Variants in ARHGEF33 observed in about 807,000 individuals in gnomAD.
ARHGEF33 encodes DH and coiled-coil domain-containing protein ENSP00000381780.
Under a neutral mutation model 101.9 loss-of-function variants are expected in ARHGEF33, and 72 were observed. That is an observed-to-expected ratio of 0.71 (90% CI 0.58 to 0.86). ARHGEF33 has a LOEUF of 0.86. ARHGEF33 is among the 40% of genes least tolerant of loss of function. The pLI is 0.00. For synonymous variants in ARHGEF33, 499 were observed against 442.5 expected, an observed-to-expected ratio of 1.13 and a Z score of -1.60; for missense variants, 1,169 against 1,111.3, an observed-to-expected ratio of 1.05 and a Z score of -0.74.
At position 38,960,535 on chromosome 2, in the gene ARHGEF33, G is replaced by A; in HGVS notation, c.2230G>A (p.Ala744Thr). Reference protein sequence around the residue: ...GRAPIKAERAAQAHGPAAAAV... With the variant: ...GRAPIKAERATQAHGPAAAAV... ...CGCGCCCATCAAGGCCGAGCGCGCCGCGCAGGCGCACGGCCCGGCCGCCGC... is the reference window on the plus strand; with the variant it reads ...CGCGCCCATCAAGGCCGAGCGCGCCACGCAGGCGCACGGCCCGGCCGCCGC... Residue 744 changes from alanine (A) to threonine (T), a missense_variant, in exon 16 of 18, where the codon GCG (alanine) becomes ACG (threonine). Coordinates refer to ENST00000409978, the MANE Select transcript of ARHGEF33 (RefSeq NM_001145451.5). The A allele has an allele frequency of 8.0e-6, 10 of 1,257,656 alleles. No individual in the cohort carries two copies. The highest frequency in any genetic ancestry group is 1.0e-5 in the Non-Finnish European group (10 of 998,844). The allele number at this position is 1,257,656 out of a possible 1,614,324, so 77.9% of individuals were successfully genotyped here. A position where few individuals can be genotyped will look rare whatever the true frequency, so the allele number is the denominator to read the frequency against.
intron 2 of ARHGEF33, among the ~76,000 whole-genome samples, chr2:38,915,224 AG>A (rs1170783689): frequency 1.6e-4 from 24 of 152,280 alleles, no homozygotes; most frequent in Non-Finnish European, 8.8e-5. Context: ...ACAAAATTTT[AG>A]GTAGGCTTCA....
At chr2:38,893,931 A>G (rs941060898) in intron 1 of ARHGEF33, among the ~76,000 whole-genome samples, 5 of 152,216 alleles carry the variant, frequency 3.3e-5, no homozygotes, top group African/African-American at 9.6e-5. Flanking sequence ...GCTGGAGTGA[A>G]GACTTCTAAA....
At chr2:38,950,895 T>C in intron 10 of ARHGEF33, 94 bp from the exon 11 acceptor site, 2 of 1,219,932 alleles carry the variant, frequency 1.6e-6, no homozygotes, top group Non-Finnish European at 2.3e-6. Context: ...GTATGTTGGA[T>C]GGCTGGGAGA....
chr2:38,896,631 C>A (rs1478419061), intron 2 of ARHGEF33, among the ~76,000 whole-genome samples: 4 of 152,190 alleles, frequency 2.6e-5, no homozygotes, highest in Non-Finnish European at 4.4e-5. Flanking sequence ...GGAAGATTAA[C>A]TTTCCCAGGT....
intron 2 of ARHGEF33, 63 bp from the exon 3 acceptor site, chr2:38,919,300 A>G: frequency 5.4e-6 from 4 of 741,016 alleles, no homozygotes; most frequent in Middle Eastern, 2.4e-4. Context: ...CTAATGTAAG[A>G]AGTAAATACA....
chr2:38,947,553 T>C (rs7568218), intron 10 of ARHGEF33, among the ~76,000 whole-genome samples: 6,460 of 152,270 alleles, frequency 0.042, 283 homozygotes, highest in African/African-American at 0.11. Flanking sequence ...TGTGCTCTTA[T>C]ACATCATACC....
chr2:38,935,933 T>G (rs1667117284), intron 8 of ARHGEF33, 99 bp downstream of exon 8: 2 of 969,748 alleles, frequency 2.1e-6, no homozygotes, highest in Admixed American at 2.2e-5. Context: ...AAACCAGGCA[T>G]GAAAGAACTC....
In ARHGEF33 at chr2:38,931,057, C is replaced by G. The variant is rs528172578; in HGVS notation, c.363-52C>G. 5.7e-6 allele frequency: 8 copies of G among 1,401,962 alleles called. No individual in the cohort carries two copies. The Admixed American group carries it at 1.7e-4, about 30-fold the overall frequency. 86.8% of individuals were successfully genotyped at this position (1,401,962 alleles called of 1,614,324 possible). A position where few individuals can be genotyped will look rare whatever the true frequency, so the allele number is the denominator to read the frequency against. ...TGTTCTGAACTGAATCTCCTCATAA[C>G]CTATCAGATATTAAGAACCAGAATA... On this transcript the variant is annotated intron_variant, in intron 6 of 17. Transcript: ENST00000409978.
chr2:38,894,763 A>C (rs1156454474), intron 1 of ARHGEF33, among the ~76,000 whole-genome samples: 1 of 152,172 alleles, frequency 6.6e-6, no homozygotes, highest in Admixed American at 6.5e-5. Flanking sequence ...GTAGAAATCT[A>C]GTCTCATGGT....
chr2:38,929,423 G>A (rs1016256866), intron 5 of ARHGEF33, among the ~76,000 whole-genome samples: 13 of 151,000 alleles, frequency 8.6e-5, no homozygotes, highest in African/African-American at 2.9e-4. Flanking sequence ...GCAAGACTCT[G>A]TCTTAAAAAA....
At chr2:38,929,131 G>T (rs961856089) in intron 5 of ARHGEF33, 60 bp downstream of exon 5, 50 of 1,368,544 alleles carry the variant, frequency 3.7e-5, no homozygotes, top group Non-Finnish European at 4.8e-5. Flanking sequence ...AACAGCAATA[G>T]AAAACTTGCC....
intron 2 of ARHGEF33, among the ~76,000 whole-genome samples, chr2:38,898,889 G>A (rs933749230): frequency 6.6e-6 from 1 of 152,088 alleles, no homozygotes; most frequent in Admixed American, 6.5e-5. Context: ...GAAATACAAA[G>A]AATCATTTGG....
rs79443655 is a variant in ARHGEF33, at chr2:38,895,813, C to T, written c.-122C>T. ...AAAACAAGAAGAAGACTTCAAAAAA[C>T]ATGCTGTGATGTCTCCCAGTGGAGA... On this transcript the variant is annotated 5_prime_UTR_variant, in exon 2 of 18. Transcript: ENST00000409978. The T allele has an allele frequency of 6.8e-6, 1 of 148,140 alleles. No homozygotes were observed. Among genetic ancestry groups the T allele is most frequent in the African/African-American group, 2.5e-5 (1 of 39,346 alleles). The allele number at this position is 148,140 out of a possible 1,614,324, so 9.2% of individuals were successfully genotyped here.
intron 1 of ARHGEF33, among the ~76,000 whole-genome samples, chr2:38,893,851 C>G (rs555209840): frequency 6.6e-6 from 1 of 152,152 alleles, no homozygotes; most frequent in African/African-American, 2.4e-5. Flanking sequence ...AGGTTTCTAT[C>G]TGAAGAGCTC....
intron 2 of ARHGEF33, among the ~76,000 whole-genome samples, chr2:38,907,031 A>G (rs1666408015): frequency 1.3e-5 from 2 of 152,090 alleles, no homozygotes; most frequent in Admixed American, 6.5e-5. Context: ...GGCTTCATGA[A>G]GGGTATAAGA....
At position 38,960,571 on chromosome 2, in the gene ARHGEF33, GC is replaced by G; in HGVS notation, c.2269del (p.Arg757AlafsTer23). 7.8e-7 allele frequency: 1 copy of G among 1,282,968 alleles called. No homozygotes were observed. Among genetic ancestry groups the G allele is most frequent in the Admixed American group, 3.3e-5 (1 of 30,492 alleles). 79.5% of individuals were successfully genotyped at this position (1,282,968 alleles called of 1,614,324 possible). On this transcript the variant is annotated frameshift_variant, in exon 16 of 18. Coordinates refer to ENST00000409978, the MANE Select transcript of ARHGEF33 (RefSeq NM_001145451.5). LOFTEE classifies it high-confidence loss of function. ...CGGCCCGGCCGCCGCCGCCGTCGCCGCCCGCGGCGCATCCAGGACCTTCTTC... is the reference window on the plus strand; with the variant it reads ...CGGCCCGGCCGCCGCCGCCGTCGCCGCCGCGGCGCATCCAGGACCTTCTTC... ...AHGPAAAAVA[A>X]RGASRTFFPQ...
chr2:38,891,095 G>A (rs868638938), intron 1 of ARHGEF33, among the ~76,000 whole-genome samples: 2 of 150,990 alleles, frequency 1.3e-5, no homozygotes, highest in Non-Finnish European at 2.9e-5. Flanking sequence ...CACCACACCC[G>A]GCTAATTTTT....
chr2:38,963,545 G>C (rs1236827664), intron 16 of ARHGEF33, among the ~76,000 whole-genome samples: 1 of 152,200 alleles, frequency 6.6e-6, no homozygotes, highest in Non-Finnish European at 1.5e-5. Context: ...GGGTTGTTGG[G>C]AGGATCAGGC....
intron 7 of ARHGEF33, among the ~76,000 whole-genome samples, chr2:38,934,823 T>C (rs2124389336): frequency 6.7e-6 from 1 of 149,058 alleles, no homozygotes; most frequent in Admixed American, 6.7e-5. Context: ...TGTTAGAGAG[T>C]GATGAGTTAA....
Sources: gnomAD v4.1 joint callset for allele counts (sites outside exome capture counted in the v4.1 genomes callset) on GRCh38, gnomAD v4.1.1 for gene constraint, MANE v1.5 for transcripts, NCBI Gene and HGNC (gene_info 2026-07-23, HGNC 2026-07-21) for gene names.